Variants in IPCEF1 observed in about 807,000 individuals in gnomAD.
The protein encoded by IPCEF1 is interaction protein for cytohesin exchange factors 1.
In IPCEF1, 31 loss-of-function variants were observed where a neutral mutation model predicts 50.9. The ratio of observed to expected loss-of-function variants is 0.61; its 90% CI spans 0.46 to 0.82. The LOEUF is 0.82. Among genes scored for constraint, IPCEF1 ranks in the 40% least tolerant of loss-of-function variants. The pLI is 0.00. For synonymous variants in IPCEF1, 181 were observed against 192.0 expected (o/e 0.94, Z 0.47); for missense variants, 458 against 514.0 (o/e 0.89, Z 1.05).
chr6:154,277,258 T>C (rs2128661736), intron 2 of IPCEF1, among the ~76,000 whole-genome samples: 1 of 152,312 alleles, frequency 6.6e-6, no homozygotes, highest in East Asian at 1.9e-4. Flanking sequence ...CTCCAAAACA[T>C]CTAAAGCAAG....
At chr6:154,331,442 AGAAC>A (rs951729107) in intron 1 of IPCEF1, among the ~76,000 whole-genome samples, 2 of 149,614 alleles carry the variant, frequency 1.3e-5, no homozygotes, top group Non-Finnish European at 3.0e-5. Flanking sequence ...AGAAAGAAAG[AGAAC>A]GAAAGAAAGA....
At chr6:154,354,305 A>G (rs999002849) in intron 1 of IPCEF1, among the ~76,000 whole-genome samples, 1 of 151,280 alleles carries the variant, frequency 6.6e-6, no homozygotes, top group Non-Finnish European at 1.5e-5. Flanking sequence ...CATCTCCGCC[A>G]TCTGTACCAT....
intron 11 of IPCEF1, among the ~76,000 whole-genome samples, chr6:154,161,595 C>T (rs1423709053): frequency 2.0e-5 from 3 of 152,170 alleles, no homozygotes; most frequent in Non-Finnish European, 2.9e-5. Context: ...CAAAATTGGA[C>T]TGATAAGCTT....
chr6:154,286,197 G>C (rs989008882), intron 2 of IPCEF1, among the ~76,000 whole-genome samples: 16 of 152,054 alleles, frequency 1.1e-4, no homozygotes, highest in Non-Finnish European at 1.5e-5. Context: ...GTCTGGGGGT[G>C]GGGGGTGGCA....
chr6:154,331,729 C>T (rs942666428), intron 1 of IPCEF1, among the ~76,000 whole-genome samples: 12 of 152,166 alleles, frequency 7.9e-5, no homozygotes, highest in East Asian at 5.8e-4. Context: ...GAGGAACACT[C>T]GACTCAACAA....
At chr6:154,180,396 A>G (rs1800740740) in intron 10 of IPCEF1, among the ~76,000 whole-genome samples, 1 of 78,486 alleles carries the variant, frequency 1.3e-5, no homozygotes, top group South Asian at 5.2e-4. Flanking sequence ...CTATATATAT[A>G]TATATATATA....
chr6:154,275,786 GA>G (rs1282797981), intron 2 of IPCEF1, among the ~76,000 whole-genome samples: 12 of 148,764 alleles, frequency 8.1e-5, no homozygotes, highest in East Asian at 2.0e-4. Context: ...AGGCAGCCAA[GA>G]AAAAAAAAAT....
At chr6:154,233,123 C>T (rs1779853205) in intron 5 of IPCEF1, among the ~76,000 whole-genome samples, 1 of 152,066 alleles carries the variant, frequency 6.6e-6, no homozygotes, top group African/African-American at 2.4e-5. Flanking sequence ...CATGTGCCGC[C>T]ACGCCCAGCT....
chr6:154,331,405 A>AAGAAAGAAAGAAAGAAAGAAAGAGAGAG lies in IPCEF1; in HGVS notation c.-62+25266_-62+25267insCTCTCTCTTTCTTTCTTTCTTTCTTTCT, dbSNP rs60403800. Among the ~76,000 whole-genome samples the AAGAAAGAAAGAAAGAAAGAAAGAGAGAG allele has an allele frequency of 4.1e-3, 380 of 92,950 alleles. 4 individuals are homozygous for AAGAAAGAAAGAAAGAAAGAAAGAGAGAG. Among genetic ancestry groups the AAGAAAGAAAGAAAGAAAGAAAGAGAGAG allele is most frequent in the South Asian group, 0.019 (55 of 2,872 alleles). The allele number at this position is 92,950 out of a possible 152,430, so 61.0% of individuals were successfully genotyped here. A position where few individuals can be genotyped will look rare whatever the true frequency, so the allele number is the denominator to read the frequency against. ...AAAGAAAGAAAGAAAGAAAGAAAGAAAGAGAGAGAAAAAGAAAGAGAGAGA... is the reference window on the plus strand; with the variant it reads ...AAAGAAAGAAAGAAAGAAAGAAAGAAAGAAAGAAAGAAAGAAAGAAAGAGAGAGAGAGAGAGAAAAAGAAAGAGAGAGA... On this transcript the variant is annotated intron_variant, in intron 1 of 11. Coordinates refer to ENST00000367220, the MANE Select transcript of IPCEF1 (RefSeq NM_001130700.2).
Position 154,214,254 on chromosome 6 carries a change from C to T in IPCEF1, c.415G>A (p.Ala139Thr), listed in dbSNP as rs769512135. ...GTAGTGGATTCCTGATGGATTACAG[C>T]CGATCCAAGTTTATTTAACCACCTA... The part of the protein sequence containing the change: ...MNVWLNKLGS[A>T]VIHQESTTKD... Residue 139 changes from alanine to threonine, a missense_variant, in exon 8 of 12, where the codon GCT becomes ACT. By Grantham distance (58) the Ala-to-Thr change is moderately conservative (BLOSUM62 0). Coordinates refer to ENST00000367220, the MANE Select transcript of IPCEF1 (RefSeq NM_001130700.2). 2 of 1,610,998 alleles carry T rather than the reference C, an allele frequency of 1.2e-6. No individual in the cohort carries two copies. The highest frequency in any genetic ancestry group is 1.7e-6 in the Non-Finnish European group (2 of 1,177,198).
At chr6:154,301,844 T>C (rs892847967) in intron 1 of IPCEF1, among the ~76,000 whole-genome samples, 2 of 152,180 alleles carry the variant, frequency 1.3e-5, no homozygotes, top group African/African-American at 2.4e-5. Flanking sequence ...TAATACCTTA[T>C]ACTCTCAAAA....
chr6:154,166,073 A>G (rs1799401223), intron 11 of IPCEF1, among the ~76,000 whole-genome samples: 1 of 152,284 alleles, frequency 6.6e-6, no homozygotes, highest in African/African-American at 2.4e-5. Context: ...GGGCAGAGGC[A>G]TTTGAGCAAG....
At chr6:154,212,888 A>C in intron 8 of IPCEF1, 33 bp from the exon 9 acceptor site, 1 of 1,424,502 alleles carries the variant, frequency 7.0e-7, no homozygotes, top group South Asian at 1.2e-5. Flanking sequence ...TAATGTTTTA[A>C]CGCTGTCATC....
At chr6:154,212,109 C>G (rs1778010106) in intron 9 of IPCEF1, among the ~76,000 whole-genome samples, 1 of 152,072 alleles carries the variant, frequency 6.6e-6, no homozygotes, top group Admixed American at 6.5e-5. Flanking sequence ...GGTATAAAAC[C>G]AAAAATCACC....
chr6:154,167,896 A>C, intron 11 of IPCEF1, 24 bp downstream of exon 11: 1 of 1,544,844 alleles, frequency 6.5e-7, no homozygotes, highest in Non-Finnish European at 8.9e-7. Context: ...CATAGAGTTC[A>C]TCCACAATTT....
chr6:154,175,001 A>C (rs568489797), intron 10 of IPCEF1, among the ~76,000 whole-genome samples: 169 of 152,344 alleles, frequency 1.1e-3, no homozygotes, highest in African/African-American at 3.9e-3. Flanking sequence ...TCAAATTAGA[A>C]TTCAGGATTA....
chr6:154,236,942 T>C (rs913232804), intron 5 of IPCEF1, among the ~76,000 whole-genome samples: 1 of 152,238 alleles, frequency 6.6e-6, no homozygotes, highest in Non-Finnish European at 1.5e-5. Flanking sequence ...GTTTCAAACA[T>C]GTTTCCCTAA....
chr6:154,231,918 C>T (rs1344542312), intron 5 of IPCEF1, among the ~76,000 whole-genome samples: 2 of 152,220 alleles, frequency 1.3e-5, no homozygotes, highest in Admixed American at 6.5e-5. Context: ...AACATGGTGA[C>T]ATAGCCCCAC....
intron 11 of IPCEF1, among the ~76,000 whole-genome samples, chr6:154,161,151 TAG>T (rs1348758481): frequency 6.6e-6 from 1 of 152,130 alleles, no homozygotes; most frequent in Non-Finnish European, 1.5e-5. Context: ...CTCTAATTTC[TAG>T]AGTTTCTTTT....
Sources: gnomAD v4.1 joint callset for allele counts (sites outside exome capture counted in the v4.1 genomes callset) on GRCh38, gnomAD v4.1.1 for gene constraint, MANE v1.5 for transcripts, NCBI Gene and HGNC (gene_info 2026-07-23, HGNC 2026-07-21) for gene names.